Variants in PNPLA1 observed in about 807,000 individuals in gnomAD.
PNPLA1 encodes the protein omega-hydroxyceramide transacylase.
In PNPLA1, 36 loss-of-function variants were observed where a neutral mutation model predicts 51.7. The ratio of observed to expected loss-of-function variants is 0.70; its 90% CI spans 0.53 to 0.92. The LOEUF is 0.92. Ranked by LOEUF, PNPLA1 falls within the 40% of genes least tolerant of loss-of-function variation. The pLI is 0.00. For missense variants in PNPLA1, 658 were observed against 682.5 expected, an observed-to-expected ratio of 0.96 and a Z score of 0.40; for synonymous variants, 293 against 280.1, an observed-to-expected ratio of 1.05 and a Z score of -0.46.
chr6:36,290,426 G>C (rs939145866), intron 1 of PNPLA1, among the ~76,000 whole-genome samples: 1 of 152,166 alleles, frequency 6.6e-6, no homozygotes, highest in South Asian at 2.1e-4. Flanking sequence ...AGGTTGAAAT[G>C]CTACTTTACC....
chr6:36,295,304 G>A, intron 4 of PNPLA1, 60 bp from the exon 5 acceptor site: 1 of 1,573,388 alleles, frequency 6.4e-7, no homozygotes, highest in African/African-American at 1.3e-5. Context: ...TGGGTCGGGG[G>A]AACTGTGGCT....
chr6:36,276,271 G>A (rs1770095057), intron 1 of PNPLA1, among the ~76,000 whole-genome samples: 1 of 152,044 alleles, frequency 6.6e-6, no homozygotes, highest in African/African-American at 2.4e-5. Context: ...CATTTTCTGA[G>A]GCTCTTCTCA....
rs894520579 is a variant in PNPLA1, at chr6:36,313,631, C to T, written c.*1745C>T. On this transcript the variant is annotated 3_prime_UTR_variant, in exon 9 of 9. Transcript: ENST00000636260. The stretch of plus-strand genomic sequence containing the variant: ...CCAGGGGTCTTGCATCCTCTGCCTA[C>T]TCTGGTTGATCTGTGGCCACACCAG... 2.1e-4 allele frequency among the ~76,000 whole-genome samples: 32 copies of T among 152,212 alleles called. No individual in the cohort carries two copies. The highest frequency in any genetic ancestry group is 4.0e-4 in the Non-Finnish European group (27 of 68,036).
intron 1 of PNPLA1, among the ~76,000 whole-genome samples, chr6:36,246,699 C>T: frequency 6.6e-6 from 1 of 152,134 alleles, no homozygotes; most frequent in Non-Finnish European, 1.5e-5. Flanking sequence ...CTCACAATTG[C>T]ACAATTCGAG....
chr6:36,299,351 T>TTGAGA, intron 5 of PNPLA1, among the ~76,000 whole-genome samples: 1 of 150,714 alleles, frequency 6.6e-6, no homozygotes. Flanking sequence ...TTTTTTTTTT[T>TTGAGA]TGAGATGGAG....
At chr6:36,269,839 T>G (rs539956462), upstream of PNPLA1, among the ~76,000 whole-genome samples, 1 of 152,326 alleles carries the variant, frequency 6.6e-6, no homozygotes, top group Non-Finnish European at 1.5e-5. Context: ...GTGTAACACA[T>G]CACACATACC....
intron 1 of PNPLA1, among the ~76,000 whole-genome samples, chr6:36,257,170 C>G (rs1367144727): frequency 1.3e-5 from 2 of 152,102 alleles, no homozygotes; most frequent in Admixed American, 6.6e-5. Context: ...CAGAGAAAAC[C>G]CTTCCCTGCA....
chr6:36,268,288 G>A (rs535049526), upstream of PNPLA1, among the ~76,000 whole-genome samples: 6 of 152,170 alleles, frequency 3.9e-5, no homozygotes, highest in South Asian at 2.1e-4. Context: ...TGTGCCAGGC[G>A]TCCTACAGCC....
intron 1 of PNPLA1, among the ~76,000 whole-genome samples, chr6:36,288,443 A>ATTTT (rs34132369): frequency 8.0e-5 from 10 of 125,762 alleles, no homozygotes; most frequent in South Asian, 2.6e-4. Context: ...AGGAGACCCT[A>ATTTT]TTTTTTTTTT....
chr6:36,294,320 G>T lies in PNPLA1; in HGVS notation c.635G>T (p.Arg212Leu), dbSNP rs192997629. The T allele has an allele frequency of 5.0e-6, 8 of 1,614,180 alleles. No individual in the cohort carries two copies. The highest frequency in any genetic ancestry group is 6.8e-6 in the Non-Finnish European group (8 of 1,180,020). ...TGCCCGGCCATCTTCCACGACTTCC[G>T]CATGTTCAACTGCTCCTTCCAGTTC... Reference protein sequence around the residue: ...RDCPAIFHDFRMFNCSFQFSL... With the variant: ...RDCPAIFHDFLMFNCSFQFSL... The change falls in exon 4 of 9, where the codon CGC (arginine) becomes CTC (leucine). Residue 212 changes from arginine (R) to leucine (L), a missense_variant. Coordinates refer to ENST00000636260, the MANE Select transcript of PNPLA1 (RefSeq NM_001374623.1). The surrounding 1 kb of genome is among the most constrained non-coding windows in gnomAD (Gnocchi z 4.2).
chr6:36,264,076 G>A (rs899765108), intron 1 of PNPLA1, among the ~76,000 whole-genome samples: 20 of 152,158 alleles, frequency 1.3e-4, no homozygotes, highest in African/African-American at 4.8e-4. Context: ...GTCCTGCATG[G>A]CAAGGAAATG....
intron 5 of PNPLA1, among the ~76,000 whole-genome samples, chr6:36,300,615 A>G (rs1020145666): frequency 5.3e-5 from 8 of 152,170 alleles, no homozygotes; most frequent in South Asian, 4.1e-4. Context: ...CACAGAGGTA[A>G]GGTGCTATTC....
upstream of PNPLA1, among the ~76,000 whole-genome samples, chr6:36,267,988 G>C (rs1769803115): frequency 6.6e-6 from 1 of 152,140 alleles, no homozygotes; most frequent in African/African-American, 2.4e-5. Context: ...GGCCCTGAGA[G>C]TCTTCTGCAG....
chr6:36,253,470 G>C (rs762636989), intron 1 of PNPLA1, among the ~76,000 whole-genome samples: 3 of 152,118 alleles, frequency 2.0e-5, no homozygotes, highest in East Asian at 1.9e-4. Context: ...AGACACAACT[G>C]TTATAATTCT....
chr6:36,258,087 A>G (rs1769568450), intron 1 of PNPLA1, among the ~76,000 whole-genome samples: 1 of 152,072 alleles, frequency 6.6e-6, no homozygotes, highest in African/African-American at 2.4e-5. Flanking sequence ...AGCCTCCCAA[A>G]CTGCCTGGAT....
intron 1 of PNPLA1, among the ~76,000 whole-genome samples, chr6:36,247,284 A>C (rs972003810): frequency 2.6e-5 from 4 of 152,126 alleles, no homozygotes; most frequent in Non-Finnish European, 5.9e-5. Flanking sequence ...CCTAAATTCC[A>C]GGGTTAGTTA....
At chr6:36,246,213 A>AT (rs796593811) in intron 1 of PNPLA1, among the ~76,000 whole-genome samples, 1,795 of 147,760 alleles carry the variant, frequency 0.012, 19 homozygotes, top group Middle Eastern at 0.021. Context: ...ACATTTTTGG[A>AT]TTTTTTTTTT....
chr6:36,300,198 A>T lies in PNPLA1; in HGVS notation c.776-1663A>T, dbSNP rs1291811238. On this transcript the variant is annotated intron_variant, in intron 5 of 8. Transcript: ENST00000636260. The stretch of plus-strand genomic sequence containing the variant: ...GTGTGTGAGAGAGAGAGAGAGAGAG[A>T]GAGAGAGAGAGAGAGAGACAGAGTC... 1.6e-3 allele frequency among the ~76,000 whole-genome samples: 188 copies of T among 120,502 alleles called. 8 individuals are homozygous for T. The South Asian group carries it at 0.045, about 29-fold the overall frequency. 79.1% of individuals were successfully genotyped at this position (120,502 alleles called of 152,430 possible). A position where few individuals can be genotyped will look rare whatever the true frequency, so the allele number is the denominator to read the frequency against.
upstream of PNPLA1, among the ~76,000 whole-genome samples, chr6:36,266,568 G>C (rs1212289128): frequency 6.6e-6 from 1 of 152,170 alleles, no homozygotes; most frequent in Admixed American, 6.5e-5. Context: ...GTCCAGGGGG[G>C]TGGGGTCTGA....
Sources: gnomAD v4.1 joint callset for allele counts (sites outside exome capture counted in the v4.1 genomes callset) on GRCh38, gnomAD v4.1.1 for gene constraint, Gnocchi (gnomAD v3.1) non-coding constraint, MANE v1.5 for transcripts, NCBI Gene and HGNC (gene_info 2026-07-23, HGNC 2026-07-21) for gene names.